The following NFIB variants were observed in gnomAD, a reference collection of about 807,000 sequenced individuals.
NFIB encodes nuclear factor 1 B-type.
NFIB carries 11 observed loss-of-function variants against 61.5 expected under a neutral mutation model. The observed-to-expected ratio is 0.18, with a 90% CI of 0.11 to 0.30. The LOEUF is 0.30. Ranked by LOEUF, NFIB falls within the 10% of genes least tolerant of loss-of-function variation. The pLI is 1.00. For missense variants in NFIB, 471 were observed against 608.9 expected (o/e 0.77, Z 2.38); for synonymous variants, 260 against 216.5 (o/e 1.20, Z -1.76).
At chr9:14,197,857 G>A (rs111389476) in intron 2 of NFIB, among the ~76,000 whole-genome samples, 5 of 152,264 alleles carry the variant, frequency 3.3e-5, no homozygotes, top group African/African-American at 9.6e-5. Context: ...AAACAATGAC[G>A]AAAAGGTTCA....
chr9:14,103,566 T>C (rs2036086438), intron 10 of NFIB, among the ~76,000 whole-genome samples: 1 of 152,170 alleles, frequency 6.6e-6, no homozygotes, highest in South Asian at 2.1e-4. Context: ...TTTCTGATAA[T>C]GTTGTGGCCA....
upstream of NFIB, among the ~76,000 whole-genome samples, chr9:14,403,892 T>C (rs2061766335): frequency 6.6e-6 from 1 of 152,156 alleles, no homozygotes; most frequent in East Asian, 1.9e-4. Context: ...TCAAGGCCAC[T>C]AGCCTACTAA....
At chr9:14,277,925 A>G (rs12004876) in intron 2 of NFIB, among the ~76,000 whole-genome samples, 2,069 of 152,260 alleles carry the variant, frequency 0.014, 56 homozygotes, top group African/African-American at 0.045. Flanking sequence ...TACCATGCAC[A>G]ACAGTAGACT....
intron 2 of NFIB, among the ~76,000 whole-genome samples, chr9:14,198,714 G>A (rs902841018): frequency 4.6e-5 from 7 of 152,180 alleles, no homozygotes; most frequent in Non-Finnish European, 8.8e-5. Flanking sequence ...AGCACCCCAG[G>A]TAACTCCCGC....
chr9:14,125,726 T>A lies in NFIB; in HGVS notation c.966A>T (p.Pro322=). Residue 322 remains proline (P), a synonymous_variant, in exon 7 of 11, where the codon CCA becomes CCT. Coordinates refer to ENST00000380953, the MANE Select transcript of NFIB (RefSeq NM_001190737.2). ...CCTGTGGAGATGCAGAGCTGAACAA[T>A]GGCTTTTCAGGCTTCTTCATAGTAG... ...SPTTMKKPEK[P]LFSSASPQDS... 1 of 1,614,126 alleles carries A rather than the reference T, an allele frequency of 6.2e-7. No individual in the cohort carries two copies. The highest frequency in any genetic ancestry group is 8.5e-7 in the Non-Finnish European group (1 of 1,179,996).
At chr9:14,522,414 A>T in the NFIB span, among the ~76,000 whole-genome samples, 1 of 152,208 alleles carries the variant, frequency 6.6e-6, no homozygotes, top group Non-Finnish European at 1.5e-5. Context: ...ACGATAATTA[A>T]CATCTTATTG....
chr9:14,485,942 A>G, the NFIB span, among the ~76,000 whole-genome samples: 1 of 152,170 alleles, frequency 6.6e-6, no homozygotes, highest in African/African-American at 2.4e-5. Context: ...TGTCCTTACA[A>G]TGGAAATGGG....
the NFIB span, among the ~76,000 whole-genome samples, chr9:14,431,767 C>G: frequency 1.3e-5 from 2 of 152,074 alleles, no homozygotes; most frequent in African/African-American, 4.8e-5. Flanking sequence ...AAAAAGGCCT[C>G]TCTTGGTGAG....
intron 2 of NFIB, among the ~76,000 whole-genome samples, chr9:14,230,128 T>C (rs368673510): frequency 3.3e-5 from 5 of 152,152 alleles, no homozygotes; most frequent in African/African-American, 1.2e-4. Context: ...TTCTAATTAG[T>C]GGTATTTTTA....
At chr9:14,383,117 C>G (rs754023536) in intron 1 of NFIB, among the ~76,000 whole-genome samples, 1 of 152,180 alleles carries the variant, frequency 6.6e-6, no homozygotes, top group African/African-American at 2.4e-5. Context: ...TAGGTTCACT[C>G]TGTCTTTGAA....
At chr9:14,392,026 T>A (rs1432655022) in intron 1 of NFIB, among the ~76,000 whole-genome samples, 1 of 152,088 alleles carries the variant, frequency 6.6e-6, no homozygotes, top group Non-Finnish European at 1.5e-5. Context: ...ACAGACTTCC[T>A]CCCAAAAACC....
the NFIB span, among the ~76,000 whole-genome samples, chr9:14,416,860 G>A: frequency 1.3e-5 from 2 of 150,474 alleles, no homozygotes; most frequent in Non-Finnish European, 2.9e-5. Flanking sequence ...CTCCATTCAT[G>A]AGAAGAGCCC....
chr9:14,118,653 G>A (rs766102486), intron 8 of NFIB, among the ~76,000 whole-genome samples: 6 of 151,986 alleles, frequency 3.9e-5, no homozygotes, highest in Admixed American at 3.9e-4. Flanking sequence ...ATAGAAAAGA[G>A]AGATGTCTTG....
intron 1 of NFIB, among the ~76,000 whole-genome samples, chr9:14,330,020 G>A (rs974463838): frequency 5.3e-5 from 8 of 151,998 alleles, no homozygotes; most frequent in East Asian, 2.0e-4. Flanking sequence ...TCAGCTACTC[G>A]GGAAGCTGAG....
At chr9:14,243,987 C>A (rs1278662886) in intron 2 of NFIB, among the ~76,000 whole-genome samples, 1 of 152,188 alleles carries the variant, frequency 6.6e-6, no homozygotes, top group Non-Finnish European at 1.5e-5. Context: ...TGAGAATTAG[C>A]AATGCACTAA....
chr9:14,298,846 T>C (rs1000243488), intron 2 of NFIB, among the ~76,000 whole-genome samples: 4 of 152,204 alleles, frequency 2.6e-5, no homozygotes, highest in African/African-American at 9.6e-5. Context: ...CGCAAATGAA[T>C]TGTTTTAACA....
intron 1 of NFIB, among the ~76,000 whole-genome samples, chr9:14,368,018 C>A (rs1449932231): frequency 6.6e-6 from 1 of 151,922 alleles, no homozygotes; most frequent in Non-Finnish European, 1.5e-5. Context: ...TCCCAGGTAC[C>A]AAACATGGCA....
chr9:14,146,272 G>C (rs1442741320), intron 6 of NFIB, among the ~76,000 whole-genome samples: 1 of 152,020 alleles, frequency 6.6e-6, no homozygotes, highest in Non-Finnish European at 1.5e-5. Flanking sequence ...GGAATTGCAG[G>C]TTCCTTTAAA....
At chr9:14,505,005 C>G in the NFIB span, among the ~76,000 whole-genome samples, 1 of 152,222 alleles carries the variant, frequency 6.6e-6, no homozygotes, top group African/African-American at 2.4e-5. Flanking sequence ...AGGTATGTCC[C>G]TTCTATGCCG....
Sources: allele counts gnomAD v4.1 joint callset (sites outside exome capture counted in the v4.1 genomes callset), GRCh38; gene constraint gnomAD v4.1.1; transcripts MANE v1.5; gene names NCBI Gene and HGNC (gene_info 2026-07-23, HGNC 2026-07-21).